The following USP40 variants were observed in gnomAD, a reference collection of about 807,000 sequenced individuals.
USP40 encodes the protein ubiquitin specific peptidase 40, also known as ubiquitin carboxyl-terminal hydrolase 40.
Under a neutral mutation model 166.2 loss-of-function variants are expected in USP40, and 143 were observed. The ratio of observed to expected loss-of-function variants is 0.86; its 90% CI spans 0.75 to 0.99. The LOEUF (loss-of-function observed/expected upper bound fraction) is 0.99, where lower values mean the gene tolerates loss of function less well. Among genes scored for constraint, USP40 ranks in the 50% least tolerant of loss-of-function variants. USP40 has a pLI of 0.00. For missense variants in USP40, 1,444 were observed against 1,479.7 expected (o/e 0.98, Z 0.40); for synonymous variants, 498 against 524.0 (o/e 0.95, Z 0.68).
chr2:233,556,086 A>T (rs1243500853), intron 5 of USP40, among the ~76,000 whole-genome samples: 6 of 151,196 alleles, frequency 4.0e-5, no homozygotes, highest in African/African-American at 1.5e-4. Flanking sequence ...ACTGCACTCC[A>T]GCCTGGGCGA....
At chr2:233,520,638 T>C (rs910929496) in intron 17 of USP40, among the ~76,000 whole-genome samples, 2 of 151,926 alleles carry the variant, frequency 1.3e-5, no homozygotes, top group African/African-American at 2.4e-5. Context: ...CCAAAACATA[T>C]GTATACTTGG....
intron 31 of USP40, among the ~76,000 whole-genome samples, chr2:233,479,743 C>T (rs1182842474): frequency 6.6e-6 from 1 of 151,942 alleles, no homozygotes; most frequent in Non-Finnish European, 1.5e-5. Context: ...GGCACCAGGA[C>T]CTGAGGGCTG....
chr2:233,489,403 G>A lies in USP40; in HGVS notation c.3093C>T (p.Arg1031=). The change falls in exon 27 of 32, where the codon CGC becomes CGT. Residue 1031 remains arginine, a synonymous_variant. Transcript: ENST00000678225. Reference sequence around the variant, plus strand: ...GGTCAGTTCGTAAAAGCCTGCCTGGGCGCTTCCTCTCCACCGTCCAGGCTC... The same window carrying A: ...GGTCAGTTCGTAAAAGCCTGCCTGGACGCTTCCTCTCCACCGTCCAGGCTC... ...HLRAWTVERK[R]PGRLLRTDRQ... 6.2e-7 allele frequency: 1 copy of A among 1,602,242 alleles called. No homozygotes were observed. The highest frequency in any genetic ancestry group is 8.5e-7 in the Non-Finnish European group (1 of 1,174,672).
chr2:233,565,213 A>G, intron 2 of USP40, 143 bp downstream of exon 2: 1 of 676,512 alleles, frequency 1.5e-6, no homozygotes. Flanking sequence ...GGAATTACCA[A>G]TTTATATCTT....
Position 233,511,712 on chromosome 2 carries a change from A to G in USP40, c.2523T>C (p.Ser841=), listed in dbSNP as rs1477944945. 3 of 1,609,656 alleles carry G rather than the reference A, an allele frequency of 1.9e-6. No homozygotes were observed. The highest frequency in any genetic ancestry group is 2.5e-6 in the Non-Finnish European group (3 of 1,178,184). ...GAAACAGGTGACCTTATTTTACCTG[A>G]GACGAACTTGGTGCTTTTCCAAGAC... ...GLCLGKAPSS[S]QLFLFFAMGS... The change falls in exon 20 of 32, where the codon TCT becomes TCC. Residue 841 remains serine, a synonymous_variant. Coordinates refer to ENST00000678225, the MANE Select transcript of USP40 (RefSeq NM_001365479.2).
intron 10 of USP40, among the ~76,000 whole-genome samples, chr2:233,539,387 A>G (rs907281553): frequency 6.6e-6 from 1 of 152,168 alleles, no homozygotes; most frequent in Non-Finnish European, 1.5e-5. Flanking sequence ...AAGAAATTCA[A>G]AAGAACTGAA....
At chr2:233,530,782 T>C (rs1187969913) in intron 11 of USP40, among the ~76,000 whole-genome samples, 2 of 152,224 alleles carry the variant, frequency 1.3e-5, no homozygotes, top group Non-Finnish European at 2.9e-5. Flanking sequence ...AATTTACTAC[T>C]GAGCACAATG....
intron 19 of USP40, chr2:233,512,034 G>A (rs1159054711): frequency 1.1e-5 from 4 of 369,600 alleles, no homozygotes; most frequent in African/African-American, 6.4e-5. Flanking sequence ...AGCTATGAAA[G>A]TCTAGTTTCC....
intron 24 of USP40, among the ~76,000 whole-genome samples, chr2:233,495,885 G>GA (rs1233352560): frequency 1.3e-5 from 2 of 152,198 alleles, no homozygotes; most frequent in Non-Finnish European, 2.9e-5. Context: ...GAATAAGGTA[G>GA]GTGTGTATGT....
chr2:233,550,537 A>G (rs1280831420), intron 7 of USP40, among the ~76,000 whole-genome samples: 1 of 151,818 alleles, frequency 6.6e-6, no homozygotes, highest in Non-Finnish European at 1.5e-5. Context: ...TTTGGCTTGA[A>G]GTAAAGGAAG....
chr2:233,565,729 AT>A (rs796934042), intron 1 of USP40, 156 bp from the exon 2 acceptor site: 3 of 638,594 alleles, frequency 4.7e-6, no homozygotes, highest in Admixed American at 3.1e-5. Context: ...CAAGATCTAG[AT>A]TTTTTTCATC....
At chr2:233,500,630 C>T (rs1288859412) in intron 21 of USP40, among the ~76,000 whole-genome samples, 1 of 152,004 alleles carries the variant, frequency 6.6e-6, no homozygotes, top group Non-Finnish European at 1.5e-5. Context: ...CACCAAAATA[C>T]ACATTAATGG....
Position 233,551,376 on chromosome 2 carries a change from C to T in USP40, c.837G>A (p.Gln279=). 1 of 1,596,958 alleles carries T rather than the reference C, an allele frequency of 6.3e-7. No individual in the cohort carries two copies. Among genetic ancestry groups the T allele is most frequent in the Non-Finnish European group, 8.5e-7 (1 of 1,174,846 alleles). The change falls in exon 7 of 32, where the codon CAG becomes CAA. Residue 279 remains glutamine, a splice_region_variant and synonymous_variant. Transcript: ENST00000678225. ...AATTTAAAAATAAAATAGTTCAAAC[C>T]TGTTCACAAAAGGGCTTGAGATTAA... is the stretch of plus-strand genomic sequence containing the variant. ...LRINLKPFCE[Q]SELDDLEYIY...
chr2:233,477,252 A>G lies in USP40; in HGVS notation c.*140T>C. The G allele has an allele frequency of 5.1e-6, 4 of 791,970 alleles. No homozygotes were observed. The South Asian group carries it at 5.9e-5, about 12-fold the overall frequency. The allele number at this position is 791,970 out of a possible 1,614,324, so 49.1% of individuals were successfully genotyped here. ...TGACTACATGCACTGGCCAGGCCTCAGAGGAGCCGTCCCTGTGCTCAAAGG... is the reference window on the plus strand; with the variant it reads ...TGACTACATGCACTGGCCAGGCCTCGGAGGAGCCGTCCCTGTGCTCAAAGG... On this transcript the variant is annotated 3_prime_UTR_variant, in exon 32 of 32. Transcript: ENST00000678225.
chr2:233,565,075 A>G (rs2072013978), intron 2 of USP40, among the ~76,000 whole-genome samples: 1 of 152,222 alleles, frequency 6.6e-6, no homozygotes, highest in Non-Finnish European at 1.5e-5. Flanking sequence ...TACTTATGAC[A>G]ATTGTCTTTA....
At chr2:233,481,133 C>G (rs1032570125) in intron 31 of USP40, 70 bp downstream of exon 31, 3 of 1,427,830 alleles carry the variant, frequency 2.1e-6, no homozygotes, top group Admixed American at 2.2e-5. Context: ...CTCTCAGTTT[C>G]CAAGCAGGAA....
chr2:233,561,144 A>G (rs2071564160), intron 3 of USP40: 1 of 1,568,882 alleles, frequency 6.4e-7, no homozygotes, highest in Non-Finnish European at 8.7e-7. Context: ...ACCCCAGTAA[A>G]TCATAGATGT....
At chr2:233,522,677 G>C (rs992721433) in intron 16 of USP40, among the ~76,000 whole-genome samples, 4 of 152,190 alleles carry the variant, frequency 2.6e-5, no homozygotes, top group Admixed American at 6.5e-5. Flanking sequence ...AATTCGCCAC[G>C]TAACTGCTCT....
intron 13 of USP40, 127 bp downstream of exon 13, chr2:233,527,280 G>C: frequency 1.9e-6 from 2 of 1,056,236 alleles, no homozygotes; most frequent in South Asian, 1.9e-5. Context: ...CCTCTATGAA[G>C]TGGCAGATGT....
Sources: allele counts gnomAD v4.1 joint callset (sites outside exome capture counted in the v4.1 genomes callset), GRCh38; gene constraint gnomAD v4.1.1; transcripts MANE v1.5; gene names NCBI Gene and HGNC (gene_info 2026-07-23, HGNC 2026-07-21).